Variants in KCNQ5 observed in about 807,000 individuals in gnomAD.
KCNQ5 encodes potassium voltage-gated channel subfamily KQT member 5.
In KCNQ5, 30 loss-of-function variants were observed where a neutral mutation model predicts 98.2. The observed-to-expected ratio is 0.31, with a 90% confidence interval of 0.23 to 0.41. KCNQ5 has a LOEUF of 0.41. KCNQ5 is among the 10% of genes least tolerant of loss of function. KCNQ5 has a pLI of 1.00. For synonymous variants in KCNQ5, 458 were observed against 449.4 expected (o/e 1.02, Z -0.24); for missense variants, 835 against 1,182.5 (o/e 0.71, Z 4.31).
chr6:72,895,938 G>T (rs1779235868), intron 1 of KCNQ5, among the ~76,000 whole-genome samples: 1 of 151,924 alleles, frequency 6.6e-6, no homozygotes, highest in Non-Finnish European at 1.5e-5. Flanking sequence ...ATCTTTACTA[G>T]ATGGATTGGA....
chr6:72,860,592 TTTC>T (rs939096538), intron 1 of KCNQ5, among the ~76,000 whole-genome samples: 2 of 152,168 alleles, frequency 1.3e-5, no homozygotes, highest in Admixed American at 6.5e-5. Flanking sequence ...GTATATTATT[TTTC>T]TTCTTTTTTT....
chr6:73,163,196 CT>C (rs1316565118), intron 10 of KCNQ5, among the ~76,000 whole-genome samples: 1 of 151,884 alleles, frequency 6.6e-6, no homozygotes, highest in African/African-American at 2.4e-5. Flanking sequence ...CAAGACCAGC[CT>C]GGGCAACATA....
intron 1 of KCNQ5, among the ~76,000 whole-genome samples, chr6:72,768,704 A>T (rs143512465): frequency 1.3e-5 from 2 of 151,980 alleles, no homozygotes; most frequent in South Asian, 4.1e-4. Context: ...ATCACAATCT[A>T]CTTCATGAGA....
chr6:72,971,084 T>G (rs980232363), intron 1 of KCNQ5, among the ~76,000 whole-genome samples: 76 of 152,172 alleles, frequency 5.0e-4, no homozygotes, highest in Non-Finnish European at 8.4e-4. Flanking sequence ...GGGAGAAAAT[T>G]TTTGCAATCT....
At chr6:73,169,263 A>G (rs1777916912) in intron 10 of KCNQ5, among the ~76,000 whole-genome samples, 1 of 152,206 alleles carries the variant, frequency 6.6e-6, no homozygotes, top group Non-Finnish European at 1.5e-5. Context: ...TCCAGTAACT[A>G]ATAAGTAGTC....
rs553989552 is a variant in KCNQ5, at chr6:72,866,435, G to A, written c.399-137473G>A. ...ATGCCTGGCTAATTTTTTGTATTTAGTAGAGATGGGGGTTTCACAATGTTG... is the reference window on the plus strand; with the variant it reads ...ATGCCTGGCTAATTTTTTGTATTTAATAGAGATGGGGGTTTCACAATGTTG... On this transcript the variant is annotated intron_variant, in intron 1 of 13. Coordinates refer to ENST00000370398, the MANE Select transcript of KCNQ5 (RefSeq NM_019842.4). Among the ~76,000 whole-genome samples the A allele has an allele frequency of 3.8e-4, 58 of 151,672 alleles. No individual in the cohort carries two copies. The South Asian group carries it at 0.012, about 31-fold the overall frequency.
chr6:72,638,832 C>A (rs770924526), intron 1 of KCNQ5, among the ~76,000 whole-genome samples: 15 of 152,242 alleles, frequency 9.9e-5, no homozygotes, highest in South Asian at 4.1e-4. Context: ...AGCGGCAGTG[C>A]AGCATGACAA....
At chr6:73,026,754 G>A (rs1455355219) in intron 2 of KCNQ5, among the ~76,000 whole-genome samples, 1 of 152,034 alleles carries the variant, frequency 6.6e-6, no homozygotes. Flanking sequence ...AGCGATTTCT[G>A]TGTATCAGGC....
Position 72,985,150 on chromosome 6 carries a change from G to A in KCNQ5, c.399-18758G>A, listed in dbSNP as rs557598706. Among the ~76,000 whole-genome samples the A allele has an allele frequency of 1.1e-4, 16 of 152,320 alleles. No individual in the cohort carries two copies. In the South Asian group the frequency reaches 1.7e-3, roughly 16 times the overall value. On this transcript the variant is annotated intron_variant, in intron 1 of 13. Coordinates refer to ENST00000370398, the MANE Select transcript of KCNQ5 (RefSeq NM_019842.4). ...GAGCCCAGATGTTCAAGGCTGCAGTGAGCTATGATCTGGCCACTGTACACC... is the reference window on the plus strand; with the variant it reads ...GAGCCCAGATGTTCAAGGCTGCAGTAAGCTATGATCTGGCCACTGTACACC...
At chr6:73,081,878 C>CAGTATTATT (rs1773787621) in intron 5 of KCNQ5, among the ~76,000 whole-genome samples, 1 of 152,052 alleles carries the variant, frequency 6.6e-6, no homozygotes, top group Admixed American at 6.6e-5. Flanking sequence ...ATTTGTTTTT[C>CAGTATTATT]AGTATTATTT....
chr6:72,956,912 G>C (rs192565097), intron 1 of KCNQ5, among the ~76,000 whole-genome samples: 109 of 152,154 alleles, frequency 7.2e-4, no homozygotes, highest in African/African-American at 2.5e-3. Flanking sequence ...ATGTATAATA[G>C]AGTTACTGTT....
At chr6:73,043,858 C>T (rs1420164769) in intron 3 of KCNQ5, among the ~76,000 whole-genome samples, 1 of 152,204 alleles carries the variant, frequency 6.6e-6, no homozygotes, top group Non-Finnish European at 1.5e-5. Context: ...GATACATCAA[C>T]ACATCTTAGT....
At chr6:72,830,803 C>A (rs1468725900) in intron 1 of KCNQ5, among the ~76,000 whole-genome samples, 1 of 152,126 alleles carries the variant, frequency 6.6e-6, no homozygotes, top group African/African-American at 2.4e-5. Flanking sequence ...AGGCAACCTA[C>A]AGAATAGGAG....
At chr6:72,731,011 T>C (rs1465108347) in intron 1 of KCNQ5, among the ~76,000 whole-genome samples, 3 of 152,368 alleles carry the variant, frequency 2.0e-5, no homozygotes, top group Non-Finnish European at 2.9e-5. Flanking sequence ...GGTTCTTGCA[T>C]ATTTCTCATT....
At chr6:73,139,590 A>G (rs1776622625) in intron 10 of KCNQ5, among the ~76,000 whole-genome samples, 1 of 152,222 alleles carries the variant, frequency 6.6e-6, no homozygotes, top group African/African-American at 2.4e-5. Context: ...AGCCAGATTT[A>G]TAATTTTTTT....
Position 72,680,095 on chromosome 6 carries a change from C to T in KCNQ5, c.398+57508C>T, listed in dbSNP as rs556447682. On this transcript the variant is annotated intron_variant, in intron 1 of 13. Coordinates refer to ENST00000370398, the MANE Select transcript of KCNQ5 (RefSeq NM_019842.4). ...AAAATTCAGTGGGTTTTAGGATATC[C>T]ACAGAGCTAAACAACCATTATCACT... 2.6e-5 allele frequency among the ~76,000 whole-genome samples: 4 copies of T among 152,206 alleles called. No homozygotes were observed. The South Asian group carries it at 8.3e-4, about 32-fold the overall frequency.
At chr6:72,916,861 C>T (rs893396602) in intron 1 of KCNQ5, among the ~76,000 whole-genome samples, 1 of 152,162 alleles carries the variant, frequency 6.6e-6, no homozygotes, top group Non-Finnish European at 1.5e-5. Flanking sequence ...GATGGAGCCT[C>T]AAGTGTTGGA....
intron 1 of KCNQ5, among the ~76,000 whole-genome samples, chr6:72,963,145 T>A (rs867268174): frequency 1.3e-5 from 2 of 152,200 alleles, no homozygotes; most frequent in African/African-American, 4.8e-5. Context: ...TTTTCAGACA[T>A]TTTAGAGTGA....
chr6:72,643,202 A>G (rs894749242), intron 1 of KCNQ5, among the ~76,000 whole-genome samples: 3 of 151,984 alleles, frequency 2.0e-5, no homozygotes, highest in African/African-American at 7.2e-5. Context: ...TGTACAACAA[A>G]CCCCTGTGAC....
Sources: allele counts gnomAD v4.1 joint callset (sites outside exome capture counted in the v4.1 genomes callset), GRCh38; gene constraint gnomAD v4.1.1; transcripts MANE v1.5; gene names NCBI Gene and HGNC (gene_info 2026-07-23, HGNC 2026-07-21).